The following BCL11B variants were observed in gnomAD, a reference collection of about 807,000 sequenced individuals.
BCL11B encodes BCL11 transcription factor B, also known as B-cell lymphoma/leukemia 11B.
In BCL11B, 8 loss-of-function variants were observed where a neutral mutation model predicts 49.9. The ratio of observed to expected loss-of-function variants is 0.16; its 90% CI spans 0.09 to 0.29. The LOEUF is 0.29. Among genes scored for constraint, BCL11B ranks in the 10% least tolerant of loss-of-function variants. The pLI is 1.00. For synonymous variants in BCL11B, 739 were observed against 637.4 expected (o/e 1.16, Z -2.40); for missense variants, 1,006 against 1,351.0 (o/e 0.74, Z 4.00).
At chr14:99,221,738 C>T (rs1033026260) in intron 3 of BCL11B, among the ~76,000 whole-genome samples, 1 of 152,270 alleles carries the variant, frequency 6.6e-6, no homozygotes, top group African/African-American at 2.4e-5. Flanking sequence ...CCTGTCACCT[C>T]TCACCTGTGA....
intron 3 of BCL11B, among the ~76,000 whole-genome samples, chr14:99,224,708 G>A (rs1214709879): frequency 6.6e-6 from 1 of 152,164 alleles, no homozygotes; most frequent in Non-Finnish European, 1.5e-5. Context: ...TAGAGGGATG[G>A]TAAGCAAGTA....
At chr14:99,179,196 G>C (rs2139769175) in intron 3 of BCL11B, among the ~76,000 whole-genome samples, 1 of 152,270 alleles carries the variant, frequency 6.6e-6, no homozygotes, top group African/African-American at 2.4e-5. Context: ...GCTTCTGGCT[G>C]GGCACGGTGG....
At position 99,262,648 on chromosome 14, in the gene BCL11B, G is replaced by A. The variant is rs972935437; in HGVS notation, c.59-4809C>T. Among the ~76,000 whole-genome samples the A allele has an allele frequency of 1.3e-5, 2 of 152,168 alleles. No homozygotes were observed. Among genetic ancestry groups the A allele is most frequent in the East Asian group, 1.9e-4 (1 of 5,160 alleles). ...TGGAGACTTTACACCTGCTTCCTAC[G>A]AAGAGGGAGCTCTTGCCAGCGAGCC... On this transcript the variant is annotated intron_variant, in intron 1 of 3. Transcript: ENST00000357195. This position sits in a 1 kb window ranked among gnomAD's most constrained non-coding sequence, Gnocchi z 4.2.
At chr14:99,214,671 A>AAAATAAAT (rs575159102) in intron 3 of BCL11B, among the ~76,000 whole-genome samples, 273 of 151,660 alleles carry the variant, frequency 1.8e-3, no homozygotes, top group African/African-American at 6.5e-3. Flanking sequence ...AAATATTAAA[A>AAAATAAAT]AAATAAATAA....
At chr14:99,204,339 G>C (rs1376788677) in intron 3 of BCL11B, among the ~76,000 whole-genome samples, 1 of 152,140 alleles carries the variant, frequency 6.6e-6, no homozygotes, top group African/African-American at 2.4e-5. Flanking sequence ...TAAGGCACCT[G>C]TAACAACCTA....
At chr14:99,270,900 C>T (rs992898230) in intron 1 of BCL11B, among the ~76,000 whole-genome samples, 2 of 151,162 alleles carry the variant, frequency 1.3e-5, no homozygotes, top group Non-Finnish European at 3.0e-5. Flanking sequence ...TGCATGCCCC[C>T]TCCCCGGCCC....
chr14:99,201,007 G>T (rs777979313), intron 3 of BCL11B, among the ~76,000 whole-genome samples: 4 of 152,204 alleles, frequency 2.6e-5, no homozygotes, highest in Non-Finnish European at 5.9e-5. Context: ...GCCAGACGCA[G>T]CATGGGAGGA....
chr14:99,192,812 C>G lies in BCL11B; in HGVS notation c.641-16617G>C. The stretch of plus-strand genomic sequence containing the variant: ...GATTCCAGAGCGTGCATGGAAGAGT[C>G]CTGCCTCTGGTCAGTGCTCAATAGA... On this transcript the variant is annotated intron_variant, in intron 3 of 3. Coordinates refer to ENST00000357195, the MANE Select transcript of BCL11B (RefSeq NM_138576.4). This position sits in a 1 kb window ranked among gnomAD's most constrained non-coding sequence, Gnocchi z 4.0. Among the ~76,000 whole-genome samples the G allele has an allele frequency of 6.6e-6, 1 of 152,266 alleles. No homozygotes were observed. The highest frequency in any genetic ancestry group is 2.1e-4 in the South Asian group (1 of 4,818).
At chr14:99,271,109 G>A in intron 1 of BCL11B, 52 bp downstream of exon 1, 1 of 1,492,716 alleles carries the variant, frequency 6.7e-7, no homozygotes, top group Non-Finnish European at 8.9e-7. Context: ...CCCAGCCCCA[G>A]ACGCCCGGAG....
chr14:99,240,369 T>C lies in BCL11B; in HGVS notation c.428-8812A>G, dbSNP rs184973950. Among the ~76,000 whole-genome samples the C allele has an allele frequency of 3.2e-3, 488 of 152,290 alleles. 4 individuals are homozygous for C. Among genetic ancestry groups the C allele is most frequent in the Non-Finnish European group, 4.2e-3 (289 of 68,026 alleles). ...ATTTTGTTTATGACTAAATCTCTTT[T>C]CTCCCTTTCATTTTTTTTCCTTTTC... On this transcript the variant is annotated intron_variant, in intron 2 of 3. Transcript: ENST00000357195.
intron 3 of BCL11B, among the ~76,000 whole-genome samples, chr14:99,221,469 G>A (rs375427156): frequency 5.3e-5 from 8 of 152,214 alleles, no homozygotes; most frequent in East Asian, 1.9e-4. Flanking sequence ...CAATACTGGC[G>A]TTCTAATTAC....
chr14:99,234,372 C>T (rs1416377035), intron 2 of BCL11B, among the ~76,000 whole-genome samples: 1 of 152,192 alleles, frequency 6.6e-6, no homozygotes, highest in Non-Finnish European at 1.5e-5. Context: ...CTCCCAGCCC[C>T]CATCCTTCCT....
In BCL11B at chr14:99,199,686, GCGCGCGCGCGCA is replaced by G. The variant is rs1480441341; in HGVS notation, c.641-23503_641-23492del. Among the ~76,000 whole-genome samples the G allele has an allele frequency of 7.2e-3, 352 of 49,172 alleles. 4 individuals carry two copies. Among genetic ancestry groups the G allele is most frequent in the African/African-American group, 9.9e-3 (158 of 15,984 alleles). 32.3% of individuals were successfully genotyped at this position (49,172 alleles called of 152,430 possible). Reference sequence around the variant, plus strand: ...TGTGTGTGTGTGTGTGTGTGTGTGCGCGCGCGCGCGCACGTGCACGTGTGTGCGTGTGTGCAT... The same window carrying G: ...TGTGTGTGTGTGTGTGTGTGTGTGCGCGTGCACGTGTGTGCGTGTGTGCAT... On this transcript the variant is annotated intron_variant, in intron 3 of 3. Transcript: ENST00000357195.
At chr14:99,259,105 A>C (rs1219718664) in intron 1 of BCL11B, among the ~76,000 whole-genome samples, 2 of 152,218 alleles carry the variant, frequency 1.3e-5, no homozygotes, top group Non-Finnish European at 2.9e-5. Flanking sequence ...AGCAAATGTC[A>C]GTAGTCGTAG....
intron 3 of BCL11B, among the ~76,000 whole-genome samples, chr14:99,227,646 C>T (rs527536517): frequency 2.0e-5 from 3 of 152,162 alleles, no homozygotes; most frequent in Admixed American, 1.3e-4. Context: ...GAAAATAACA[C>T]GAGCCTCGTT....
In BCL11B at chr14:99,170,618, G is replaced by A. The variant is rs1243639308; in HGVS notation, c.*3533C>T. 4 of 232,534 alleles carry A rather than the reference G, an allele frequency of 1.7e-5. No individual in the cohort carries two copies. The highest frequency in any genetic ancestry group is 1.8e-4 in the South Asian group (1 of 5,496). The allele number at this position is 232,534 out of a possible 1,614,324, so 14.4% of individuals were successfully genotyped here. A position where few individuals can be genotyped will look rare whatever the true frequency, so the allele number is the denominator to read the frequency against. On this transcript the variant is annotated 3_prime_UTR_variant, in exon 4 of 4. Transcript: ENST00000357195. ...GGAGGATGAAGGATGGAGAGGAAAC[G>A]CAGGGGAAGGAGAGAGAACGAGATA... is the stretch of plus-strand genomic sequence containing the variant.
rs1050563238 is a variant in BCL11B, at chr14:99,192,718, G to A, written c.641-16523C>T. On this transcript the variant is annotated intron_variant, in intron 3 of 3. Coordinates refer to ENST00000357195, the MANE Select transcript of BCL11B (RefSeq NM_138576.4). This position sits in a 1 kb window ranked among gnomAD's most constrained non-coding sequence, Gnocchi z 4.0. Reference sequence around the variant, plus strand: ...TAGCCTTGGCTGAACATGAATGAGTGAGCTCAACTCTGAGCTCCAAGTTCC... The same window carrying A: ...TAGCCTTGGCTGAACATGAATGAGTAAGCTCAACTCTGAGCTCCAAGTTCC... Among the ~76,000 whole-genome samples, 6 of 152,136 alleles carry A rather than the reference G, an allele frequency of 3.9e-5. No homozygotes were observed. The highest frequency in any genetic ancestry group is 1.2e-4 in the African/African-American group (5 of 41,412).
chr14:99,191,631 G>A (rs1014448006), intron 3 of BCL11B, among the ~76,000 whole-genome samples: 4 of 151,922 alleles, frequency 2.6e-5, no homozygotes, highest in Non-Finnish European at 4.4e-5. Flanking sequence ...AGGGAGCTCC[G>A]AGCCTCGTGA....
intron 3 of BCL11B, among the ~76,000 whole-genome samples, chr14:99,219,029 C>CT (rs900709756): frequency 6.8e-6 from 1 of 147,382 alleles, no homozygotes. Context: ...CATTTCTTTT[C>CT]TTTTTTTTAT....
Sources: allele counts gnomAD v4.1 joint callset (sites outside exome capture counted in the v4.1 genomes callset), GRCh38; gene constraint gnomAD v4.1.1; non-coding constraint Gnocchi (gnomAD v3.1); transcripts MANE v1.5; gene names NCBI Gene and HGNC (gene_info 2026-07-23, HGNC 2026-07-21).